PRKCA: variants seen among roughly 807,000 people sequenced by gnomAD.
PRKCA encodes the protein protein kinase C alpha.
In PRKCA, 27 loss-of-function variants were observed where a neutral mutation model predicts 87.0. The ratio of observed to expected loss-of-function variants is 0.31; its 90% confidence interval spans 0.23 to 0.43. The LOEUF is 0.43. Among genes scored for constraint, PRKCA ranks in the 20% least tolerant of loss-of-function variants. The pLI, the probability that PRKCA is intolerant of heterozygous loss-of-function variation, is 1.00. For synonymous variants in PRKCA, 329 were observed against 311.1 expected (o/e 1.06, Z -0.61); for missense variants, 518 against 852.3 (o/e 0.61, Z 4.88).
chr17:66,383,234 T>A (rs999843748), intron 2 of PRKCA, among the ~76,000 whole-genome samples: 1 of 152,216 alleles, frequency 6.6e-6, no homozygotes, highest in Admixed American at 6.5e-5. Context: ...TGTAAGTTGT[T>A]CATATTATTT....
chr17:66,741,033 G>A (rs891483644), intron 11 of PRKCA, among the ~76,000 whole-genome samples: 3 of 152,056 alleles, frequency 2.0e-5, no homozygotes, highest in African/African-American at 4.8e-5. Context: ...TGGCTTCTTC[G>A]ACTTCAAAGA....
chr17:66,774,963 A>G, intron 14 of PRKCA: 2 of 985,370 alleles, frequency 2.0e-6, no homozygotes, highest in Non-Finnish European at 2.4e-6. Flanking sequence ...CTAACATGGC[A>G]CTTTCTAATA....
intron 3 of PRKCA, among the ~76,000 whole-genome samples, chr17:66,557,985 G>A (rs77317550): frequency 0.013 from 2,019 of 152,318 alleles, 45 homozygotes; most frequent in African/African-American, 0.046. Context: ...AAATGTACTC[G>A]TTTGCTGACA....
chr17:66,402,000 G>A (rs2143690948), intron 2 of PRKCA, among the ~76,000 whole-genome samples: 1 of 152,254 alleles, frequency 6.6e-6, no homozygotes, highest in East Asian at 1.9e-4. Flanking sequence ...AACTATGAAA[G>A]CAGATCCATC....
intron 8 of PRKCA, chr17:66,703,977 G>A (rs376400651): frequency 5.9e-5 from 9 of 152,218 alleles, no homozygotes; most frequent in East Asian, 5.8e-4. Context: ...CCACAAACAT[G>A]TAATGTGTTG....
chr17:66,783,157 T>C (rs1975281929), intron 14 of PRKCA, among the ~76,000 whole-genome samples: 1 of 152,180 alleles, frequency 6.6e-6, no homozygotes. Context: ...ATGCACAGGC[T>C]CTGTCACGGG....
At chr17:66,763,170 G>C (rs1039559839) in intron 13 of PRKCA, among the ~76,000 whole-genome samples, 2 of 152,228 alleles carry the variant, frequency 1.3e-5, no homozygotes, top group Non-Finnish European at 2.9e-5. Flanking sequence ...GCACTTTAGA[G>C]GTAGGCAGTG....
At chr17:66,710,513 A>G (rs1973297300) in intron 8 of PRKCA, among the ~76,000 whole-genome samples, 1 of 151,136 alleles carries the variant, frequency 6.6e-6, no homozygotes, top group Non-Finnish European at 1.5e-5. Flanking sequence ...CTTCCACAAA[A>G]CACTTGCCTT....
At chr17:66,338,457 AC>A (rs1329967030) in intron 2 of PRKCA, among the ~76,000 whole-genome samples, 2 of 152,162 alleles carry the variant, frequency 1.3e-5, no homozygotes, top group Non-Finnish European at 2.9e-5. Context: ...AAAGGCTGGC[AC>A]GGGGAACATC....
At chr17:66,637,137 CGTGA>C (rs1488855783) in intron 3 of PRKCA, among the ~76,000 whole-genome samples, 1 of 152,052 alleles carries the variant, frequency 6.6e-6, no homozygotes, top group East Asian at 1.9e-4. Context: ...ATGGCTGTTG[CGTGA>C]GTAAGCCTTA....
At chr17:66,485,571 T>C (rs1170391714) in intron 2 of PRKCA, among the ~76,000 whole-genome samples, 2 of 152,190 alleles carry the variant, frequency 1.3e-5, no homozygotes, top group Admixed American at 6.5e-5. Context: ...AGCCACACTT[T>C]GTTTTGCCTG....
At position 66,610,455 on chromosome 17, in the gene PRKCA, G is replaced by A. The variant is rs556819564; in HGVS notation, c.289-30900G>A. Among the ~76,000 whole-genome samples the A allele has an allele frequency of 3.4e-3, 522 of 152,218 alleles. 3 individuals carry two copies. Among genetic ancestry groups the A allele is most frequent in the African/African-American group, 0.012 (494 of 41,534 alleles). On this transcript the variant is annotated intron_variant, in intron 3 of 16. Coordinates refer to ENST00000413366, the MANE Select transcript of PRKCA (RefSeq NM_002737.3). ...GGAGCAGTAGAGCTAAAAGTTTCAA[G>A]CTTCTAGTCATGGCTTGGTCTTTCC...
At chr17:66,450,037 T>TTGTTTATA (rs1914231907) in intron 2 of PRKCA, among the ~76,000 whole-genome samples, 1 of 151,880 alleles carries the variant, frequency 6.6e-6, no homozygotes, top group Non-Finnish European at 1.5e-5. Flanking sequence ...TTTTTAAGCA[T>TTGTTTATA]TGTTTATAGC....
chr17:66,417,565 A>G (rs549874089), intron 2 of PRKCA, among the ~76,000 whole-genome samples: 1 of 151,928 alleles, frequency 6.6e-6, no homozygotes, highest in Non-Finnish European at 1.5e-5. Flanking sequence ...TTGAGCAAAC[A>G]CTCATCACAT....
intron 13 of PRKCA, among the ~76,000 whole-genome samples, chr17:66,768,260 T>TG (rs201874349): frequency 0.01 from 1,261 of 122,248 alleles, 16 homozygotes; most frequent in East Asian, 0.083. Flanking sequence ...TTTTTTTTTT[T>TG]TGGGGGGGAG....
chr17:66,405,619 T>G (rs1457265426), intron 2 of PRKCA, among the ~76,000 whole-genome samples: 1 of 152,246 alleles, frequency 6.6e-6, no homozygotes, highest in African/African-American at 2.4e-5. Flanking sequence ...ATTTAAAGAT[T>G]TAGTTGGCTT....
intron 3 of PRKCA, among the ~76,000 whole-genome samples, chr17:66,528,720 G>A (rs537068005): frequency 4.5e-4 from 68 of 152,320 alleles, no homozygotes; most frequent in African/African-American, 1.2e-3. Flanking sequence ...AAGTCACTAA[G>A]TTTGTGGTAT....
At position 66,302,779 on chromosome 17, in the gene PRKCA, C is replaced by T; in HGVS notation, c.-73C>T. The T allele has an allele frequency of 3.7e-6, 5 of 1,357,594 alleles. No homozygotes were observed. Among genetic ancestry groups the T allele is most frequent in the Non-Finnish European group, 9.6e-7 (1 of 1,037,762 alleles). The allele number at this position is 1,357,594 out of a possible 1,614,324, so 84.1% of individuals were successfully genotyped here. On this transcript the variant is annotated 5_prime_UTR_variant, in exon 1 of 17. Coordinates refer to ENST00000413366, the MANE Select transcript of PRKCA (RefSeq NM_002737.3). ...GTCGCCCCGAGCCCGCACCTCTCCC[C>T]CGCCGCCCCCGCCCACCCGGCCCTC...
chr17:66,761,618 G>A (rs73331534), intron 13 of PRKCA, among the ~76,000 whole-genome samples: 11,805 of 151,478 alleles, frequency 0.078, 524 homozygotes, highest in African/African-American at 0.11. Flanking sequence ...CACCACACCC[G>A]GCTAATTTTT....
Sources: allele counts gnomAD v4.1 joint callset (sites outside exome capture counted in the v4.1 genomes callset), GRCh38; gene constraint gnomAD v4.1.1; transcripts MANE v1.5; gene names NCBI Gene and HGNC (gene_info 2026-07-23, HGNC 2026-07-21).